Variants in FRAS1 observed in about 807,000 individuals in gnomAD.
The protein encoded by FRAS1 is Fraser extracellular matrix complex subunit 1.
FRAS1 carries 290 observed loss-of-function variants against 435.2 expected under a neutral mutation model. The ratio of observed to expected loss-of-function variants is 0.67; its 90% CI spans 0.61 to 0.73. The LOEUF (loss-of-function observed/expected upper bound fraction) is 0.73, where lower values mean the gene tolerates loss of function less well. FRAS1 is among the 30% of genes least tolerant of loss of function. The pLI is 0.00. For synonymous variants in FRAS1, 1,800 were observed against 1,851.0 expected (o/e 0.97, Z 0.71); for missense variants, 4,860 against 5,001.5 (o/e 0.97, Z 0.85).
At chr4:78,402,946 G>C (rs1248442433) in intron 30 of FRAS1, among the ~76,000 whole-genome samples, 2 of 152,128 alleles carry the variant, frequency 1.3e-5, no homozygotes, top group African/African-American at 4.8e-5. Context: ...GCATCATCAG[G>C]AGGTACATAA....
chr4:78,117,226 T>G (rs912414108), intron 2 of FRAS1, among the ~76,000 whole-genome samples: 2 of 152,222 alleles, frequency 1.3e-5, no homozygotes, highest in Non-Finnish European at 2.9e-5. Flanking sequence ...GGCTTCCCTT[T>G]GTGGGTAACC....
chr4:78,409,006 A>T (rs1010211780), intron 31 of FRAS1, among the ~76,000 whole-genome samples: 2 of 72,516 alleles, frequency 2.8e-5, no homozygotes, highest in East Asian at 7.8e-4. Context: ...AGGCGGGAGG[A>T]TCACTTGAGC....
chr4:78,473,621 T>G (rs773140756), intron 53 of FRAS1, 24 bp downstream of exon 53: 351 of 1,538,498 alleles, frequency 2.3e-4, no homozygotes, highest in Non-Finnish European at 3.0e-4. Context: ...TGTGCTTTCC[T>G]TCTTGAGAAA....
At chr4:78,472,471 TCC>T (rs1393629922) in intron 52 of FRAS1, 141 bp downstream of exon 52, 6 of 604,832 alleles carry the variant, frequency 9.9e-6, no homozygotes, top group Non-Finnish European at 1.5e-5. Context: ...TGCTTAACCA[TCC>T]AACTTAAGAA....
chr4:78,363,720 C>G (rs925122181), intron 21 of FRAS1, 55 bp downstream of exon 21: 2 of 1,533,546 alleles, frequency 1.3e-6, no homozygotes, highest in African/African-American at 2.7e-5. Flanking sequence ...TCTCTTGGGG[C>G]AGTAGCTGGG....
intron 14 of FRAS1, among the ~76,000 whole-genome samples, chr4:78,304,822 TC>T (rs1294959696): frequency 2.9e-5 from 4 of 138,664 alleles, no homozygotes. Context: ...GCTCCTGGAT[TC>T]ATTAATTTTT....
rs775628192 is a variant in FRAS1, at chr4:78,507,476, G to T, written c.9372G>T (p.Trp3124Cys). The T allele has an allele frequency of 1.9e-6, 3 of 1,612,654 alleles. No individual in the cohort carries two copies. Among genetic ancestry groups the T allele is most frequent in the Non-Finnish European group, 2.5e-6 (3 of 1,179,406 alleles). Residue 3124 changes from tryptophan (W) to cysteine (C), a missense_variant, in exon 62 of 74, where the codon TGG (tryptophan) becomes TGT (cysteine). By Grantham distance (215) the Trp-to-Cys change is radical. Transcript: ENST00000512123. ...TCCTGTCCAATGAAGACCGGGAATG[G>T]CATGAATCTTTCTCACTAGTCCTTG... ...VEILSNEDRE[W>C]HESFSLVLGP...
At chr4:78,211,121 TAATA>T (rs1189427981) in intron 2 of FRAS1, among the ~76,000 whole-genome samples, 1 of 152,190 alleles carries the variant, frequency 6.6e-6, no homozygotes, top group Non-Finnish European at 1.5e-5. Flanking sequence ...ATGACATAAC[TAATA>T]AATATTTATA....
Position 78,281,329 on chromosome 4 carries a change from G to GA in FRAS1, c.1072-63dup, listed in dbSNP as rs541682945. On this transcript the variant is annotated intron_variant, in intron 10 of 73. Coordinates refer to ENST00000512123, the MANE Select transcript of FRAS1 (RefSeq NM_025074.7). ...TTGGGAAAAATGGATAACTCCTAAT[G>GA]AAAAAATAAAATAATCAGCCTAATG... 1.3e-3 allele frequency: 1,354 copies of GA among 1,077,274 alleles called. 16 individuals carry two copies. The African/African-American group carries it at 0.02, about 16-fold the overall frequency. 66.7% of individuals were successfully genotyped at this position (1,077,274 alleles called of 1,614,324 possible). A position where few individuals can be genotyped will look rare whatever the true frequency, so the allele number is the denominator to read the frequency against.
intron 29 of FRAS1, among the ~76,000 whole-genome samples, chr4:78,396,847 G>T (rs1560703591): frequency 6.6e-6 from 1 of 152,154 alleles, no homozygotes; most frequent in Non-Finnish European, 1.5e-5. Flanking sequence ...GTATTCTTCA[G>T]CTCTGGAATT....
chr4:78,223,821 T>G (rs1312945533), intron 2 of FRAS1, among the ~76,000 whole-genome samples: 1 of 152,196 alleles, frequency 6.6e-6, no homozygotes, highest in East Asian at 1.9e-4. Context: ...ATTTCCATAA[T>G]ATTTCTACTT....
Position 78,380,005 on chromosome 4 carries a change from G to T in FRAS1, c.3563+9G>T, listed in dbSNP as rs760448363. ...AGCAAAGAAAAACTCAGGTGACTCT[G>T]TGTTCTGTTGTTTTCTTCCTGCCTC... is the stretch of plus-strand genomic sequence containing the variant. On this transcript the variant is annotated intron_variant, in intron 27 of 73. Transcript: ENST00000512123. The T allele has an allele frequency of 1.2e-6, 2 of 1,608,318 alleles. No homozygotes were observed. The highest frequency in any genetic ancestry group is 1.7e-6 in the Non-Finnish European group (2 of 1,177,634).
chr4:78,067,916 C>T (rs182855503), intron 2 of FRAS1, among the ~76,000 whole-genome samples: 1 of 149,024 alleles, frequency 6.7e-6, no homozygotes, highest in East Asian at 2.0e-4. Context: ...GTTGGCCAGG[C>T]TGGTCTTGAA....
At chr4:78,478,092 A>G (rs1356189629) in intron 55 of FRAS1, 31 bp downstream of exon 55, 2 of 1,537,192 alleles carry the variant, frequency 1.3e-6, no homozygotes, top group Admixed American at 2.0e-5. Flanking sequence ...ACAAAGAGCT[A>G]TAATAATTGC....
Position 78,421,939 on chromosome 4 carries a change from C to T in FRAS1, c.4617C>T (p.Val1539=), listed in dbSNP as rs1239513028. The change falls in exon 34 of 74, where the codon GTC becomes GTT. Residue 1539 remains valine, a synonymous_variant. Coordinates refer to ENST00000512123, the MANE Select transcript of FRAS1 (RefSeq NM_025074.7). ...FTQEDINQGK[V]MYRPPPAAPH... ...AAGAGGATATTAACCAGGGCAAAGT[C>T]ATGTACCGCCCTCCCCCGGCAGCAC... is the stretch of plus-strand genomic sequence containing the variant. 2 of 1,613,822 alleles carry T rather than the reference C, an allele frequency of 1.2e-6. No individual in the cohort carries two copies. The highest frequency in any genetic ancestry group is 2.2e-5 in the South Asian group (2 of 91,042).
intron 35 of FRAS1, among the ~76,000 whole-genome samples, chr4:78,424,648 G>A (rs1733930417): frequency 1.3e-5 from 2 of 152,026 alleles, no homozygotes; most frequent in Non-Finnish European, 2.9e-5. Context: ...GATGCTAAAA[G>A]TTAATGTTTA....
At chr4:78,345,490 TTCC>T (rs1387325226) in intron 20 of FRAS1, among the ~76,000 whole-genome samples, 2 of 152,146 alleles carry the variant, frequency 1.3e-5, no homozygotes, top group Admixed American at 6.5e-5. Flanking sequence ...CTTTTTCAAC[TTCC>T]TCTTTATTCC....
intron 69 of FRAS1, among the ~76,000 whole-genome samples, chr4:78,523,784 C>A (rs1204358069): frequency 1.3e-5 from 2 of 152,156 alleles, no homozygotes; most frequent in Non-Finnish European, 2.9e-5. Context: ...AAACTGTCTT[C>A]CTTTAAGTAT....
intron 43 of FRAS1, 124 bp downstream of exon 43, chr4:78,447,004 G>A (rs1718857971): frequency 4.2e-6 from 4 of 960,928 alleles, no homozygotes; most frequent in Admixed American, 3.3e-5. Flanking sequence ...GCATCAAAGT[G>A]TAATCAAATT....
Sources: allele counts gnomAD v4.1 joint callset (sites outside exome capture counted in the v4.1 genomes callset), GRCh38; gene constraint gnomAD v4.1.1; transcripts MANE v1.5; gene names NCBI Gene and HGNC (gene_info 2026-07-23, HGNC 2026-07-21).